The following XIST variants were observed in gnomAD, a reference collection of about 807,000 sequenced individuals.
XIST encodes X inactive specific transcript (non-protein coding).
At chrX:73,828,808 G>A (rs1045447973) in intron 5 of XIST, 3 of 227,820 alleles carry the variant, frequency 1.3e-5, no homozygotes, top group African/African-American at 8.5e-5. Flanking sequence ...AAGAATGACA[G>A]AGGGCCTATA....
chrX:73,844,791 G>C (rs1922691793), exon 1 of XIST: 4 of 557,570 alleles, frequency 7.2e-6, no homozygotes, highest in South Asian at 2.2e-5. Context: ...GCCTTATTCA[G>C]ATGAGATAGG....
chrX:73,830,032 A>T (rs955063547), intron 4 of XIST, among the ~76,000 whole-genome samples: 86 of 110,583 alleles, frequency 7.8e-4, no homozygotes, highest in African/African-American at 2.8e-3. Flanking sequence ...AAAACTCACA[A>T]TATTGCTCTT....
In XIST at chrX:73,849,999, A is replaced by G. The variant is rs371965637; in HGVS notation, n.2725T>C. 146 of 556,045 alleles carry G rather than the reference A, an allele frequency of 2.6e-4. 1 individual carries two copies. In the African/African-American group the frequency reaches 2.9e-3, roughly 11 times the overall value. 45.8% of individuals were successfully genotyped at this position (556,045 alleles called of 1,213,427 possible). On this transcript the variant is annotated non_coding_transcript_exon_variant, in exon 1 of 6. Coordinates refer to ENST00000429829, the Ensembl canonical transcript of XIST. ...CGAAAAATTGAAATACTCCAATATAATAAGTCTGAATAGAGGACACCAGAC... is the reference window on the plus strand; with the variant it reads ...CGAAAAATTGAAATACTCCAATATAGTAAGTCTGAATAGAGGACACCAGAC...
exon 6 of XIST, chrX:73,823,662 C>A: frequency 1.8e-6 from 1 of 558,733 alleles, no homozygotes; most frequent in Non-Finnish European, 3.2e-6. Context: ...GACCACAACA[C>A]CTTGTTTTTT....
intron 1 of XIST, among the ~76,000 whole-genome samples, chrX:73,840,387 C>T (rs763852438): frequency 4.5e-5 from 5 of 111,276 alleles, no homozygotes; most frequent in Admixed American, 9.6e-5. Context: ...GAAGCCAGTT[C>T]ACTTATATGG....
intron 2 of XIST, chrX:73,833,622 C>T: frequency 4.7e-6 from 1 of 213,325 alleles, no homozygotes; most frequent in Non-Finnish European, 8.5e-6. Context: ...AAACCAATAC[C>T]GACCTTAAGG....
chrX:73,835,983 T>C (rs1158117919), intron 2 of XIST, among the ~76,000 whole-genome samples: 1 of 111,568 alleles, frequency 9.0e-6, no homozygotes, highest in Non-Finnish European at 1.9e-5. Context: ...AAAAATTATA[T>C]TTGGGTTACA....
rs547823883 is a variant in XIST at position 73,826,174 on chromosome X, T to C, written n.13727A>G. The C allele has an allele frequency of 1.4e-5, 8 of 559,258 alleles. No homozygotes were observed. In the South Asian group the frequency reaches 1.6e-4, roughly 11 times the overall value. The allele number at this position is 559,258 out of a possible 1,213,427, so 46.1% of individuals were successfully genotyped here. A position where few individuals can be genotyped will look rare whatever the true frequency, so the allele number is the denominator to read the frequency against. ...GCTTCTCAGAAGTCTGGCACATCTG[T>C]GTATTTCTTGTCTAATTCTTCTCAT... On this transcript the variant is annotated non_coding_transcript_exon_variant, in exon 6 of 6. Transcript: ENST00000429829.
At chrX:73,842,003 C>A (rs1452612284) in exon 1 of XIST, 2 of 545,602 alleles carry the variant, frequency 3.7e-6, no homozygotes, top group Non-Finnish European at 6.6e-6. Flanking sequence ...TCTAGAATAT[C>A]TTTGATATTA....
exon 6 of XIST, chrX:73,826,910 C>T (rs1183704450): frequency 1.8e-6 from 1 of 558,757 alleles, no homozygotes; most frequent in East Asian, 3.2e-5. Flanking sequence ...CTTAAGACTT[C>T]TAACTCAAGC....
chrX:73,833,101 C>T (rs1475648615), intron 3 of XIST: 1 of 431,744 alleles, frequency 2.3e-6, no homozygotes, highest in Non-Finnish European at 4.0e-6. Flanking sequence ...CAAGTGATCC[C>T]CCCACCTCAA....
At chrX:73,832,608 C>G (rs1266788215) in intron 3 of XIST, among the ~76,000 whole-genome samples, 1 of 111,669 alleles carries the variant, frequency 9.0e-6, no homozygotes, top group Non-Finnish European at 1.9e-5. Context: ...TAATACCCAT[C>G]TGCCAAAGGA....
At chrX:73,823,178 T>C in exon 6 of XIST, 1 of 552,197 alleles carries the variant, frequency 1.8e-6, no homozygotes, top group Non-Finnish European at 3.3e-6. Flanking sequence ...AGTTAATGAA[T>C]TAAAGAACAA....
exon 1 of XIST, chrX:73,852,469 C>A (rs1419566092): frequency 1.8e-6 from 1 of 546,110 alleles, no homozygotes; most frequent in East Asian, 3.3e-5. Context: ...AAGAAAAATT[C>A]CTTAAATATT....
chrX:73,843,508 G>T (rs951773612), exon 1 of XIST: 1 of 558,530 alleles, frequency 1.8e-6, no homozygotes, highest in Non-Finnish European at 3.2e-6. Flanking sequence ...AATATTAAAA[G>T]AAAAGGGTTC....
chrX:73,846,500 T>C lies in XIST; in HGVS notation n.6224A>G, dbSNP rs755819718. The stretch of plus-strand genomic sequence containing the variant: ...GGGACTGCGTTATCAGCAACCCTTC[T>C]GTATTGCAAAAGGGGTCGGAGAGTA... On this transcript the variant is annotated non_coding_transcript_exon_variant, in exon 1 of 6. Transcript: ENST00000429829. 11 of 559,236 alleles carry C rather than the reference T, an allele frequency of 2.0e-5. No individual in the cohort carries two copies. The Admixed American group carries it at 2.4e-4, about 12-fold the overall frequency. 46.1% of individuals were successfully genotyped at this position (559,236 alleles called of 1,213,427 possible).
rs765827379 is a variant in XIST, at chrX:73,831,193, T to C, written n.11625A>G. The C allele has an allele frequency of 1.3e-5, 7 of 553,040 alleles. No homozygotes were observed. In the African/African-American group the frequency reaches 1.6e-4, roughly 12 times the overall value. The allele number at this position is 553,040 out of a possible 1,213,427, so 45.6% of individuals were successfully genotyped here. On this transcript the variant is annotated non_coding_transcript_exon_variant, in exon 4 of 6. Transcript: ENST00000429829. ...GAGCTTTTCCCCTGGAGGATCCTCA[T>C]GCCCCATCTCCACCTAGGGATCGTC...
At chrX:73,845,544 TA>T (rs1436467885) in exon 1 of XIST, 5 of 554,989 alleles carry the variant, frequency 9.0e-6, no homozygotes, top group African/African-American at 4.6e-5. Context: ...CTTTCATGTC[TA>T]TTACACAGAA....
intron 2 of XIST, among the ~76,000 whole-genome samples, chrX:73,834,077 C>T (rs965737499): frequency 1.2e-4 from 13 of 111,970 alleles, no homozygotes; most frequent in African/African-American, 3.9e-4. Context: ...TGCCAACATC[C>T]TTCCCCATCC....
Sources: allele counts gnomAD v4.1 joint callset (sites outside exome capture counted in the v4.1 genomes callset), GRCh38; gene constraint gnomAD v4.1.1; transcripts MANE v1.5; gene names NCBI Gene and HGNC (gene_info 2026-07-23, HGNC 2026-07-21).